CAMK2D: variants seen among roughly 807,000 people sequenced by gnomAD.
CAMK2D encodes the protein calcium/calmodulin-dependent protein kinase type II subunit delta.
CAMK2D carries 37 observed loss-of-function variants against 84.0 expected under a neutral mutation model. That is an observed-to-expected ratio of 0.44 (90% CI 0.34 to 0.58). The LOEUF (loss-of-function observed/expected upper bound fraction) is 0.58. CAMK2D is among the 20% of genes least tolerant of loss of function. CAMK2D has a pLI of 0.02. For missense variants in CAMK2D, 448 were observed against 652.5 expected, an observed-to-expected ratio of 0.69 and a Z score of 3.41; for synonymous variants, 202 against 212.5, an observed-to-expected ratio of 0.95 and a Z score of 0.43.
intron 2 of CAMK2D, among the ~76,000 whole-genome samples, chr4:113,732,634 G>A (rs72899861): frequency 0.03 from 4,526 of 152,132 alleles, 228 homozygotes; most frequent in African/African-American, 0.1. Flanking sequence ...AAGACCTCTA[G>A]GAGTAATTCA....
chr4:113,593,715 G>A (rs1013003611), intron 4 of CAMK2D, among the ~76,000 whole-genome samples: 1 of 152,146 alleles, frequency 6.6e-6, no homozygotes, highest in Non-Finnish European at 1.5e-5. Context: ...AACCTGCTGG[G>A]GTTTTATCAG....
chr4:113,656,568 T>C (rs1299480267), intron 3 of CAMK2D, among the ~76,000 whole-genome samples: 1 of 152,134 alleles, frequency 6.6e-6, no homozygotes, highest in African/African-American at 2.4e-5. Context: ...TCCCATTGCA[T>C]GTAGAATGAA....
chr4:113,655,194 G>A (rs1257009245), intron 3 of CAMK2D, among the ~76,000 whole-genome samples: 1 of 152,086 alleles, frequency 6.6e-6, no homozygotes, highest in Non-Finnish European at 1.5e-5. Context: ...GGATGGGATT[G>A]TATAAGCAGA....
At chr4:113,557,379 C>A (rs1195437140) in intron 4 of CAMK2D, among the ~76,000 whole-genome samples, 3 of 152,174 alleles carry the variant, frequency 2.0e-5, no homozygotes, top group Admixed American at 6.5e-5. Flanking sequence ...CCAATTGAGG[C>A]CCTCTCTTTC....
chr4:113,591,620 G>T (rs6533701), intron 4 of CAMK2D, among the ~76,000 whole-genome samples: 8 of 151,978 alleles, frequency 5.3e-5, no homozygotes, highest in Non-Finnish European at 1.0e-4. Flanking sequence ...TGCAAGGATG[G>T]TAAAACTGGA....
At chr4:113,506,237 G>C (rs2098126058) in intron 13 of CAMK2D, among the ~76,000 whole-genome samples, 1 of 152,074 alleles carries the variant, frequency 6.6e-6, no homozygotes, top group South Asian at 2.1e-4. Context: ...GTATTGAGAG[G>C]AAGATAGAAA....
chr4:113,549,214 T>A (rs975143149), intron 5 of CAMK2D, among the ~76,000 whole-genome samples: 16 of 152,000 alleles, frequency 1.1e-4, no homozygotes, highest in African/African-American at 3.9e-4. Context: ...TCAAAAAAAA[T>A]GGAGGGACAC....
intron 16 of CAMK2D, among the ~76,000 whole-genome samples, chr4:113,494,826 G>A (rs56131184): frequency 5.2e-4 from 79 of 152,334 alleles, no homozygotes; most frequent in African/African-American, 1.5e-3. Flanking sequence ...AGCCAGGTGC[G>A]GGATATAATC....
intron 4 of CAMK2D, among the ~76,000 whole-genome samples, chr4:113,556,036 C>T (rs566091732): frequency 6.6e-6 from 1 of 152,120 alleles, no homozygotes; most frequent in Non-Finnish European, 1.5e-5. Context: ...AGACTTCCAG[C>T]CTTCAGGACT....
chr4:113,497,690 T>C (rs2097958027), intron 16 of CAMK2D, among the ~76,000 whole-genome samples: 1 of 152,220 alleles, frequency 6.6e-6, no homozygotes, highest in Non-Finnish European at 1.5e-5. Context: ...ACACAGAAGC[T>C]GTCCCTGCCA....
chr4:113,559,332 C>T (rs1304836481), intron 4 of CAMK2D, among the ~76,000 whole-genome samples: 3 of 152,188 alleles, frequency 2.0e-5, no homozygotes, highest in African/African-American at 7.2e-5. Context: ...AAGTTTCAAA[C>T]ACTATAATAT....
At chr4:113,636,577 G>A (rs1004211191) in intron 3 of CAMK2D, among the ~76,000 whole-genome samples, 1 of 152,132 alleles carries the variant, frequency 6.6e-6, no homozygotes, top group African/African-American at 2.4e-5. Flanking sequence ...TCACAGTTCC[G>A]GAGGCTGGGA....
At chr4:113,712,713 A>G (rs553693655) in intron 2 of CAMK2D, among the ~76,000 whole-genome samples, 1 of 152,188 alleles carries the variant, frequency 6.6e-6, no homozygotes, top group Admixed American at 6.6e-5. Flanking sequence ...AATATATAAC[A>G]AAAACATTTA....
At chr4:113,744,054 A>C (rs1218520720) in intron 2 of CAMK2D, among the ~76,000 whole-genome samples, 1 of 151,968 alleles carries the variant, frequency 6.6e-6, no homozygotes, top group Non-Finnish European at 1.5e-5. Context: ...TGTTAGCCAG[A>C]TGGTCTGGAT....
intron 3 of CAMK2D, among the ~76,000 whole-genome samples, chr4:113,660,938 G>GGCGCCCGCCACC (rs2099228280): frequency 6.6e-6 from 1 of 151,850 alleles, no homozygotes; most frequent in Non-Finnish European, 1.5e-5. Flanking sequence ...TGGGACTACA[G>GGCGCCCGCCACC]GCGCCCGCCA....
chr4:113,503,059 G>A (rs779003085), intron 14 of CAMK2D, 82 bp from the exon 15 acceptor site: 22 of 967,640 alleles, frequency 2.3e-5, no homozygotes, highest in Non-Finnish European at 3.0e-5. Flanking sequence ...AGCAGAGTGA[G>A]CCAGCTGACA....
intron 4 of CAMK2D, among the ~76,000 whole-genome samples, chr4:113,597,286 T>C (rs1046457081): frequency 5.3e-5 from 8 of 152,274 alleles, no homozygotes; most frequent in African/African-American, 1.9e-4. Flanking sequence ...TAGAAGATTG[T>C]TCCATCTACA....
chr4:113,481,999 A>T (rs1407913235), intron 16 of CAMK2D, among the ~76,000 whole-genome samples: 1 of 152,226 alleles, frequency 6.6e-6, no homozygotes, highest in Non-Finnish European at 1.5e-5. Flanking sequence ...ATAATAGGAC[A>T]TTAAGTCAGA....
intron 3 of CAMK2D, among the ~76,000 whole-genome samples, chr4:113,638,385 A>G (rs920220355): frequency 6.6e-6 from 1 of 152,148 alleles, no homozygotes; most frequent in Non-Finnish European, 1.5e-5. Flanking sequence ...GGAGAATATG[A>G]GCCTGCGAAC....
Sources: allele counts gnomAD v4.1 joint callset (sites outside exome capture counted in the v4.1 genomes callset), GRCh38; gene constraint gnomAD v4.1.1; transcripts MANE v1.5; gene names NCBI Gene and HGNC (gene_info 2026-07-23, HGNC 2026-07-21).